OSBPL9: variants seen among roughly 807,000 people sequenced by gnomAD.
OSBPL9 encodes oxysterol binding protein like 9.
A neutral mutation model predicts 106.6 loss-of-function variants in OSBPL9; 40 were observed. The ratio of observed to expected loss-of-function variants is 0.38; its 90% CI spans 0.29 to 0.49. OSBPL9 has a LOEUF of 0.49. Ranked by LOEUF, OSBPL9 falls within the 20% of genes least tolerant of loss-of-function variation. The pLI is 0.97. For missense variants in OSBPL9, 609 were observed against 887.2 expected, an observed-to-expected ratio of 0.69 and a Z score of 3.98; for synonymous variants, 269 against 295.4, an observed-to-expected ratio of 0.91 and a Z score of 0.92.
At chr1:51,716,313 T>C (rs1661041730) in intron 4 of OSBPL9, among the ~76,000 whole-genome samples, 1 of 152,238 alleles carries the variant, frequency 6.6e-6, no homozygotes, top group Non-Finnish European at 1.5e-5. Flanking sequence ...AGAGCCAGAA[T>C]GTCTGTGTTT....
intron 1 of OSBPL9, among the ~76,000 whole-genome samples, chr1:51,639,817 T>G (rs974760801): frequency 1.5e-4 from 11 of 74,136 alleles, no homozygotes; most frequent in Non-Finnish European, 1.0e-4. Context: ...TTCCTAGTTG[T>G]TTTTTTTTTT....
chr1:51,757,593 T>C (rs1670614425), intron 9 of OSBPL9, among the ~76,000 whole-genome samples: 1 of 152,032 alleles, frequency 6.6e-6, no homozygotes, highest in Admixed American at 6.6e-5. Context: ...GAAAAACATC[T>C]AGAAAGTTTA....
intron 1 of OSBPL9, among the ~76,000 whole-genome samples, chr1:51,632,105 A>G (rs961342870): frequency 6.6e-5 from 10 of 152,150 alleles, no homozygotes; most frequent in African/African-American, 9.7e-5. Flanking sequence ...AAATATATCT[A>G]TATATACACG....
chr1:51,772,848 T>G (rs1674236674), intron 14 of OSBPL9, 125 bp downstream of exon 14: 2 of 728,570 alleles, frequency 2.7e-6, no homozygotes, highest in Non-Finnish European at 4.9e-6. Context: ...TTCTTGTGAT[T>G]TAATATAGAT....
chr1:51,535,292 T>C, the OSBPL9 span, among the ~76,000 whole-genome samples: 2 of 152,178 alleles, frequency 1.3e-5, no homozygotes, highest in African/African-American at 2.4e-5. Flanking sequence ...AGGAGAGTCA[T>C]AGAGTCACAA....
chr1:51,596,998 A>G (rs1189823783), intron 1 of OSBPL9, among the ~76,000 whole-genome samples: 1 of 152,128 alleles, frequency 6.6e-6, no homozygotes, highest in East Asian at 1.9e-4. Flanking sequence ...GGGAGAGGAA[A>G]GGGGGTCAGG....
the OSBPL9 span, among the ~76,000 whole-genome samples, chr1:51,551,210 T>C: frequency 6.6e-6 from 1 of 152,190 alleles, no homozygotes; most frequent in East Asian, 1.9e-4. Context: ...AACATTTGCC[T>C]CCACAATCCC....
At chr1:51,556,793 C>CA in the OSBPL9 span, among the ~76,000 whole-genome samples, 36 of 121,236 alleles carry the variant, frequency 3.0e-4, no homozygotes, top group Middle Eastern at 0.017. Flanking sequence ...CTCAAAGAAA[C>CA]AAAAAAAAAG....
chr1:51,635,296 A>G (rs982720802), intron 1 of OSBPL9, among the ~76,000 whole-genome samples: 1 of 149,876 alleles, frequency 6.7e-6, no homozygotes, highest in African/African-American at 2.4e-5. Flanking sequence ...ATCTGTATTA[A>G]AAAAAAAAAT....
At chr1:51,769,905 A>G (rs1673465416) in intron 12 of OSBPL9, among the ~76,000 whole-genome samples, 2 of 152,208 alleles carry the variant, frequency 1.3e-5, no homozygotes, top group East Asian at 1.9e-4. Context: ...TTTTAGGTCA[A>G]TTGATTTAAA....
chr1:51,729,836 C>T lies in OSBPL9; in HGVS notation c.319-15700C>T. The T allele has an allele frequency of 8.0e-7, 1 of 1,245,316 alleles. No individual in the cohort carries two copies. Among genetic ancestry groups the T allele is most frequent in the Non-Finnish European group, 1.0e-6 (1 of 987,694 alleles). The allele number at this position is 1,245,316 out of a possible 1,614,324, so 77.1% of individuals were successfully genotyped here. A position where few individuals can be genotyped will look rare whatever the true frequency, so the allele number is the denominator to read the frequency against. On this transcript the variant is annotated intron_variant, in intron 4 of 23. Coordinates refer to ENST00000428468, the MANE Select transcript of OSBPL9 (RefSeq NM_024586.6). The surrounding 1 kb of genome is among the most constrained non-coding windows in gnomAD (Gnocchi z 5.1). Reference sequence around the variant, plus strand: ...GGGTGAAGGGGGTGAAGGGGGTGTCCCGGGGGACGGGCTGAACCTCAGTCA... The same window carrying T: ...GGGTGAAGGGGGTGAAGGGGGTGTCTCGGGGGACGGGCTGAACCTCAGTCA...
the OSBPL9 span, among the ~76,000 whole-genome samples, chr1:51,540,177 A>G: frequency 6.6e-6 from 1 of 152,040 alleles, no homozygotes; most frequent in Admixed American, 6.6e-5. Flanking sequence ...TTTTCTGTCC[A>G]GAGAGACTCT....
chr1:51,578,275 C>T (rs1393556142), intron 1 of OSBPL9, among the ~76,000 whole-genome samples: 1 of 152,076 alleles, frequency 6.6e-6, no homozygotes, highest in East Asian at 1.9e-4. Flanking sequence ...ATAACTTTGG[C>T]CTTGAACTTT....
At chr1:51,619,508 T>C (rs1263572864) in intron 1 of OSBPL9, among the ~76,000 whole-genome samples, 5 of 148,404 alleles carry the variant, frequency 3.4e-5, no homozygotes, top group Non-Finnish European at 7.4e-5. Context: ...TTCCCTAAAA[T>C]ATTATCCTTG....
At chr1:51,562,335 C>T in the OSBPL9 span, among the ~76,000 whole-genome samples, 77 of 152,230 alleles carry the variant, frequency 5.1e-4, no homozygotes, top group South Asian at 0.012. Flanking sequence ...CTGCTCCCAC[C>T]GTGTGAGAAA....
upstream of OSBPL9, among the ~76,000 whole-genome samples, chr1:51,616,023 T>G (rs1364568127): frequency 4.6e-3 from 638 of 139,930 alleles, 4 homozygotes; most frequent in African/African-American, 0.017. Context: ...TTTTTTTTTT[T>G]TTTTTGTGTG....
the OSBPL9 span, among the ~76,000 whole-genome samples, chr1:51,557,082 A>G: frequency 1.3e-5 from 2 of 152,008 alleles, no homozygotes; most frequent in African/African-American, 2.4e-5. Flanking sequence ...CCCCATAAGT[A>G]TATATACCTA....
the OSBPL9 span, among the ~76,000 whole-genome samples, chr1:51,537,892 T>G: frequency 3.3e-5 from 5 of 152,294 alleles, no homozygotes; most frequent in African/African-American, 1.2e-4. Flanking sequence ...TAATTCCAAT[T>G]TAACACCACA....
chr1:51,655,460 C>G (rs1197394470), intron 2 of OSBPL9, among the ~76,000 whole-genome samples: 1 of 152,224 alleles, frequency 6.6e-6, no homozygotes, highest in Non-Finnish European at 1.5e-5. Context: ...ATCTTTCTGA[C>G]TTCCCATTCG....
Sources: gnomAD v4.1 joint callset for allele counts (sites outside exome capture counted in the v4.1 genomes callset) on GRCh38, gnomAD v4.1.1 for gene constraint, Gnocchi (gnomAD v3.1) non-coding constraint, MANE v1.5 for transcripts, NCBI Gene and HGNC (gene_info 2026-07-23, HGNC 2026-07-21) for gene names.